CAAP1: variants seen among roughly 807,000 people sequenced by gnomAD.
The protein encoded by CAAP1 is caspase activity and apoptosis inhibitor 1, also known as conserved anti-apoptotic protein.
In CAAP1, 20 loss-of-function variants were observed where a neutral mutation model predicts 34.0. The ratio of observed to expected loss-of-function variants is 0.59; its 90% CI spans 0.41 to 0.86. The LOEUF is 0.86. Among genes scored for constraint, CAAP1 ranks in the 40% least tolerant of loss-of-function variants. CAAP1 has a pLI of 0.00. For synonymous variants in CAAP1, 213 were observed against 166.7 expected, an observed-to-expected ratio of 1.28 and a Z score of -2.14; for missense variants, 538 against 450.5, an observed-to-expected ratio of 1.19 and a Z score of -1.76.
intron 5 of CAAP1, among the ~76,000 whole-genome samples, chr9:26,852,345 C>G (rs532384063): frequency 6.6e-6 from 1 of 152,144 alleles, no homozygotes; most frequent in African/African-American, 2.4e-5. Context: ...ATCCCAACTA[C>G]TCAGGAGGCT....
intron 5 of CAAP1, among the ~76,000 whole-genome samples, chr9:26,851,274 A>G (rs935964351): frequency 1.2e-4 from 19 of 152,248 alleles, no homozygotes; most frequent in African/African-American, 4.3e-4. Flanking sequence ...TAGATATATG[A>G]TATGAGACGG....
chr9:26,859,873 T>A (rs1049658688), intron 5 of CAAP1, among the ~76,000 whole-genome samples: 5 of 152,170 alleles, frequency 3.3e-5, no homozygotes, highest in Non-Finnish European at 4.4e-5. Flanking sequence ...TAAATCAGAA[T>A]TACAGAAAAT....
At chr9:26,884,775 A>C (rs753789564) in intron 4 of CAAP1, 35 bp downstream of exon 4, 3 of 1,427,300 alleles carry the variant, frequency 2.1e-6, no homozygotes, top group Admixed American at 1.8e-5. Flanking sequence ...ATAACAAAGA[A>C]ATTTTGAAAT....
chr9:26,884,942 A>G (rs1823695440), intron 3 of CAAP1, 57 bp from the exon 4 acceptor site: 5 of 1,228,650 alleles, frequency 4.1e-6, no homozygotes, highest in Admixed American at 3.7e-5. Context: ...AAATGATGCA[A>G]TCATGACATT....
At position 26,886,152 on chromosome 9, in the gene CAAP1, C is replaced by T; in HGVS notation, c.541G>A (p.Glu181Lys). The change falls in exon 3 of 6, where the codon GAA becomes AAA. Residue 181 changes from glutamate to lysine, a missense_variant. Around this residue, in one of 3 missense-constraint regions of CAAP1, gnomAD observed 514 missense variants for 408.4 expected, o/e 1.26. Transcript: ENST00000333916. ...TTTTCAGACAGGAGCTCTAACTGTT[C>T]CTGGCATAGTTTTTTAATTTCTTCT... ...SIEEIKKLCQEQLELLSEKKI... is the reference protein window; with the variant it reads ...SIEEIKKLCQKQLELLSEKKI... The T allele has an allele frequency of 6.4e-7, 1 of 1,553,892 alleles. No individual in the cohort carries two copies. Among genetic ancestry groups the T allele is most frequent in the Admixed American group, 2.0e-5 (1 of 50,444 alleles).
intron 2 of CAAP1, 46 bp from the exon 3 acceptor site, chr9:26,886,234 C>A (rs767453761): frequency 4.1e-6 from 4 of 967,576 alleles, no homozygotes; most frequent in Non-Finnish European, 4.4e-6. Context: ...GTAACACAGC[C>A]CCAATGTAAA....
rs532150232 is a variant in CAAP1 at position 26,876,349 on chromosome 9, A to G, written c.665+8461T>C. 2.0e-5 allele frequency among the ~76,000 whole-genome samples: 3 copies of G among 152,252 alleles called. 1 individual carries two copies. In the South Asian group the frequency reaches 6.2e-4, roughly 32 times the overall value. On this transcript the variant is annotated intron_variant, in intron 4 of 5. Transcript: ENST00000333916. ...CATCTCAAGATCCTTAACTTAATCA[A>G]TCACATCAGCAAAGTCTCTTTTGTC...
intron 4 of CAAP1, among the ~76,000 whole-genome samples, chr9:26,863,848 G>C (rs1282313915): frequency 6.6e-6 from 1 of 151,064 alleles, no homozygotes; most frequent in African/African-American, 2.4e-5. Context: ...GGAGGCTGGA[G>C]TGCAGTGATC....
chr9:26,855,384 A>G (rs143004041), intron 5 of CAAP1, among the ~76,000 whole-genome samples: 156 of 152,294 alleles, frequency 1.0e-3, no homozygotes, highest in African/African-American at 3.5e-3. Context: ...CAGTGAAAAT[A>G]TTCTATATAT....
intron 2 of CAAP1, among the ~76,000 whole-genome samples, chr9:26,886,840 C>CAACTTTTTAAATA (rs1162828550): frequency 3.3e-5 from 5 of 152,164 alleles, no homozygotes; most frequent in African/African-American, 1.2e-4. Flanking sequence ...ATATACAAGG[C>CAACTTTTTAAATA]TCCAAGAACC....
At chr9:26,885,922 T>C (rs1405345591) in intron 3 of CAAP1, among the ~76,000 whole-genome samples, 182 bp downstream of exon 3, 1 of 152,182 alleles carries the variant, frequency 6.6e-6, no homozygotes, top group African/African-American at 2.4e-5. Context: ...TATTGTCTAT[T>C]CTTGAAACGC....
At position 26,842,145 on chromosome 9, in the gene CAAP1, T is replaced by C; in HGVS notation, c.*156A>G. ...TATAATATAAAAGTAGTCAAAAAAA[T>C]AAAAAGAAACAGCCACAGGTAATTT... On this transcript the variant is annotated 3_prime_UTR_variant, in exon 6 of 6. Coordinates refer to ENST00000333916, the MANE Select transcript of CAAP1 (RefSeq NM_024828.4). The C allele has an allele frequency of 1.7e-6, 1 of 575,914 alleles. No homozygotes were observed. The highest frequency in any genetic ancestry group is 3.6e-5 in the Admixed American group (1 of 27,814). 35.7% of individuals were successfully genotyped at this position (575,914 alleles called of 1,614,324 possible). A position where few individuals can be genotyped will look rare whatever the true frequency, so the allele number is the denominator to read the frequency against.
At position 26,892,746 on chromosome 9, in the gene CAAP1, T is replaced by TC. The variant is rs759432982; in HGVS notation, c.-32dup. 1 of 1,549,730 alleles carries TC rather than the reference T, an allele frequency of 6.5e-7. No homozygotes were observed. Reference sequence around the variant, plus strand: ...CTCTGCTGCAACCATCGGAGGAAAGTCCGCTGTCTCTGGTGCGACCGAAGC... The same window carrying TC: ...CTCTGCTGCAACCATCGGAGGAAAGTCCCGCTGTCTCTGGTGCGACCGAAGC... On this transcript the variant is annotated 5_prime_UTR_variant, in exon 1 of 6. Transcript: ENST00000333916.
chr9:26,845,124 T>A (rs1024140748), intron 5 of CAAP1, among the ~76,000 whole-genome samples: 1 of 152,222 alleles, frequency 6.6e-6, no homozygotes, highest in Non-Finnish European at 1.5e-5. Flanking sequence ...TTTTTCTTCA[T>A]TGCACCTGAC....
intron 1 of CAAP1, 175 bp downstream of exon 1, chr9:26,892,238 G>A (rs759164782): frequency 1.1e-5 from 16 of 1,466,680 alleles, no homozygotes; most frequent in African/African-American, 4.3e-5. Context: ...TTCAAGACAC[G>A]GATGGGAGTG....
intron 4 of CAAP1, among the ~76,000 whole-genome samples, chr9:26,867,489 T>C (rs1006177663): frequency 6.6e-6 from 1 of 152,178 alleles, no homozygotes; most frequent in African/African-American, 2.4e-5. Flanking sequence ...CTATAAAAAC[T>C]AACATTCACA....
chr9:26,883,003 A>T (rs1294817396), intron 4 of CAAP1, among the ~76,000 whole-genome samples: 3 of 152,118 alleles, frequency 2.0e-5, no homozygotes, highest in Non-Finnish European at 4.4e-5. Flanking sequence ...TCCCCATTAT[A>T]TCTAGGAAGT....
chr9:26,884,240 C>T (rs574929436), intron 4 of CAAP1, among the ~76,000 whole-genome samples: 1 of 152,216 alleles, frequency 6.6e-6, no homozygotes, highest in South Asian at 2.1e-4. Flanking sequence ...TTGAAGTGCA[C>T]TAATGAAGAA....
intron 5 of CAAP1, among the ~76,000 whole-genome samples, chr9:26,847,630 A>G (rs1165491464): frequency 2.0e-5 from 3 of 151,444 alleles, no homozygotes; most frequent in Admixed American, 2.0e-4. Flanking sequence ...ACTTGTTTCT[A>G]CCCTTTGCCC....
Sources: gnomAD v4.1 joint callset for allele counts (sites outside exome capture counted in the v4.1 genomes callset) on GRCh38, gnomAD v4.1.1 for gene constraint, gnomAD v4.1.1 regional missense constraint, MANE v1.5 for transcripts, NCBI Gene and HGNC (gene_info 2026-07-23, HGNC 2026-07-21) for gene names.